The following SYT9 variants were observed in gnomAD, a reference collection of about 807,000 sequenced individuals.
SYT9 encodes the protein synaptotagmin-9.
A neutral mutation model predicts 48.4 loss-of-function variants in SYT9; 22 were observed. That is an observed-to-expected ratio of 0.45 (90% CI 0.32 to 0.65). The LOEUF (loss-of-function observed/expected upper bound fraction) is 0.65. SYT9 is among the 30% of genes least tolerant of loss of function. The pLI is 0.03. For synonymous variants in SYT9, 265 were observed against 245.0 expected (o/e 1.08, Z -0.76); for missense variants, 577 against 622.0 (o/e 0.93, Z 0.77).
At position 7,468,187 on chromosome 11, in the gene SYT9, C is replaced by T; in HGVS notation, c.*1387C>T. ...AATCCAGAGTTGGATTGTAGTTTAC[C>T]TTCCTGGAAAGCTCATTATCTCTGT... On this transcript the variant is annotated 3_prime_UTR_variant, in exon 7 of 7. Transcript: ENST00000318881. 2.5e-6 allele frequency: 1 copy of T among 398,442 alleles called. No individual in the cohort carries two copies. Among genetic ancestry groups the T allele is most frequent in the Non-Finnish European group, 4.4e-6 (1 of 225,942 alleles). 24.7% of individuals were successfully genotyped at this position (398,442 alleles called of 1,614,324 possible).
rs148995985 is a variant in SYT9, at chr11:7,358,905, T to A, written c.1044+44964T>A. On this transcript the variant is annotated intron_variant, in intron 3 of 6. Transcript: ENST00000318881. The stretch of plus-strand genomic sequence containing the variant: ...AGGGTACATGTGCACAATGTGCAGG[T>A]TAATTACATATGTATACATGTGCTA... Among the ~76,000 whole-genome samples, 684 of 152,306 alleles carry A rather than the reference T, an allele frequency of 4.5e-3. 7 individuals carry two copies. Among genetic ancestry groups the A allele is most frequent in the African/African-American group, 0.016 (658 of 41,560 alleles).
intron 3 of SYT9, among the ~76,000 whole-genome samples, chr11:7,387,276 T>G (rs559155592): frequency 6.6e-6 from 1 of 152,020 alleles, no homozygotes; most frequent in Non-Finnish European, 1.5e-5. Flanking sequence ...ACCTGCCCAT[T>G]GTGCACATGT....
At chr11:7,360,751 C>T (rs1230022059) in intron 3 of SYT9, among the ~76,000 whole-genome samples, 1 of 152,156 alleles carries the variant, frequency 6.6e-6, no homozygotes, top group Non-Finnish European at 1.5e-5. Flanking sequence ...ACACTAGCTT[C>T]ATAAAATGAA....
upstream of SYT9, among the ~76,000 whole-genome samples, chr11:7,250,523 T>A (rs1199964481): frequency 6.9e-6 from 1 of 144,764 alleles, no homozygotes; most frequent in East Asian, 2.2e-4. Flanking sequence ...TCTCTAGGGG[T>A]TCCCCCCTTT....
chr11:7,266,530 T>A (rs551349968), intron 1 of SYT9, among the ~76,000 whole-genome samples: 9 of 152,260 alleles, frequency 5.9e-5, no homozygotes, highest in Non-Finnish European at 1.2e-4. Flanking sequence ...ACAGGTTCAG[T>A]TAGAGAGGAT....
At chr11:7,441,086 G>A (rs529622277) in intron 6 of SYT9, 1 of 152,278 alleles carries the variant, frequency 6.6e-6, no homozygotes, top group Non-Finnish European at 1.5e-5. Context: ...GAATAACCCA[G>A]GACAATGATC....
chr11:7,342,297 G>C (rs558051967), intron 3 of SYT9, among the ~76,000 whole-genome samples: 1 of 152,122 alleles, frequency 6.6e-6, no homozygotes, highest in Non-Finnish European at 1.5e-5. Flanking sequence ...CTGAGACAAG[G>C]CAAGTCCCTT....
At position 7,303,394 on chromosome 11, in the gene SYT9, A is replaced by G. The variant is rs1473008503; in HGVS notation, c.497+4A>G. 1.3e-6 allele frequency: 2 copies of G among 1,598,488 alleles called. No individual in the cohort carries two copies. Among genetic ancestry groups the G allele is most frequent in the Non-Finnish European group, 1.7e-6 (2 of 1,173,690 alleles). ...CAGAGCCAACCTCGTCGGCCCGGTC[A>G]GTAATGCCTTCTCCTTTCTGAATGC... On this transcript the variant is annotated splice_donor_region_variant and intron_variant, in intron 2 of 6. Coordinates refer to ENST00000318881, the MANE Select transcript of SYT9 (RefSeq NM_175733.4).
At chr11:7,359,422 C>T (rs1850085389) in intron 3 of SYT9, among the ~76,000 whole-genome samples, 1 of 48,372 alleles carries the variant, frequency 2.1e-5, no homozygotes, top group African/African-American at 7.1e-5. Context: ...TGAGGAATCG[C>T]CACACTGACT....
At position 7,372,250 on chromosome 11, in the gene SYT9, T is replaced by C. The variant is rs182990597; in HGVS notation, c.1045-43792T>C. ...TGTATGACTAATGATGAGCACCATA[T>C]TGTGTATCTTCTTTTATTAAATTTA... On this transcript the variant is annotated intron_variant, in intron 3 of 6. Coordinates refer to ENST00000318881, the MANE Select transcript of SYT9 (RefSeq NM_175733.4). Among the ~76,000 whole-genome samples, 380 of 152,230 alleles carry C rather than the reference T, an allele frequency of 2.5e-3. 2 individuals are homozygous for C. Among genetic ancestry groups the C allele is most frequent in the Non-Finnish European group, 3.6e-3 (243 of 67,998 alleles).
intron 6 of SYT9, among the ~76,000 whole-genome samples, chr11:7,461,856 T>C (rs1412345471): frequency 6.6e-6 from 1 of 152,216 alleles, no homozygotes; most frequent in African/African-American, 2.4e-5. Flanking sequence ...CATCGAAAAA[T>C]ATGACAGTCC....
In SYT9 at chr11:7,447,203, AG is replaced by A. The variant is rs375174421; in HGVS notation, c.1468-19586del. 9.5e-3 allele frequency among the ~76,000 whole-genome samples: 1,452 copies of A among 152,290 alleles called. 23 individuals carry two copies. Among genetic ancestry groups the A allele is most frequent in the African/African-American group, 0.034 (1,409 of 41,538 alleles). ...CTTCCTGTACCATAGTGAATACCTC[AG>A]GGAACTGCCTGCCCCCTTCATGACT... On this transcript the variant is annotated intron_variant, in intron 6 of 6. Transcript: ENST00000318881.
intron 3 of SYT9, among the ~76,000 whole-genome samples, chr11:7,331,396 C>A (rs1266104755): frequency 2.0e-5 from 3 of 151,618 alleles, no homozygotes; most frequent in African/African-American, 7.3e-5. Context: ...TCAGCTAATT[C>A]TCTCTAATTG....
At chr11:7,294,960 G>A (rs758136875) in intron 1 of SYT9, among the ~76,000 whole-genome samples, 9 of 152,138 alleles carry the variant, frequency 5.9e-5, no homozygotes, top group Admixed American at 2.0e-4. Context: ...GCCTTCCTTC[G>A]TTCCTTCTCT....
intron 1 of SYT9, among the ~76,000 whole-genome samples, chr11:7,276,019 T>G (rs1026735936): frequency 3.3e-5 from 5 of 152,182 alleles, no homozygotes; most frequent in Admixed American, 3.3e-4. Flanking sequence ...TGTTCACTAT[T>G]ATGTTTGAGC....
At chr11:7,431,095 G>A (rs1170808306) in intron 6 of SYT9, among the ~76,000 whole-genome samples, 1 of 152,228 alleles carries the variant, frequency 6.6e-6, no homozygotes, top group Non-Finnish European at 1.5e-5. Flanking sequence ...CTTAGGGACT[G>A]GTTAAATGGT....
At chr11:7,276,501 T>G (rs1848396084) in intron 1 of SYT9, among the ~76,000 whole-genome samples, 1 of 152,212 alleles carries the variant, frequency 6.6e-6, no homozygotes, top group South Asian at 2.1e-4. Flanking sequence ...CACGTGAGAA[T>G]ATGGTGGAAT....
chr11:7,297,330 A>G (rs1243145341), intron 1 of SYT9, among the ~76,000 whole-genome samples: 1 of 152,196 alleles, frequency 6.6e-6, no homozygotes, highest in Non-Finnish European at 1.5e-5. Context: ...CTCAAAACTC[A>G]GTTTCAACAA....
chr11:7,299,426 T>C (rs7947110), intron 1 of SYT9, among the ~76,000 whole-genome samples: 100,949 of 152,036 alleles, frequency 0.66, 34,045 homozygotes, highest in Admixed American at 0.74. Flanking sequence ...TAGGTCACTA[T>C]TGGTGTTTCC....
Sources: allele counts gnomAD v4.1 joint callset (sites outside exome capture counted in the v4.1 genomes callset), GRCh38; gene constraint gnomAD v4.1.1; transcripts MANE v1.5; gene names NCBI Gene and HGNC (gene_info 2026-07-23, HGNC 2026-07-21).